Variants in GSDME observed in about 807,000 individuals in gnomAD.
GSDME encodes gasdermin E, also known as gasdermin-E.
GSDME carries 44 observed loss-of-function variants against 47.5 expected under a neutral mutation model. That is an observed-to-expected ratio of 0.93 (90% confidence interval 0.73 to 1.19). The LOEUF is 1.19. Among genes scored for constraint, GSDME ranks in the 50% most tolerant of loss-of-function variants. GSDME has a pLI of 0.00. For synonymous variants in GSDME, 258 were observed against 252.8 expected (o/e 1.02, Z -0.20); for missense variants, 663 against 604.2 (o/e 1.10, Z -1.02).
At chr7:24,746,771 G>A (rs1023104691) in intron 2 of GSDME, among the ~76,000 whole-genome samples, 1 of 152,196 alleles carries the variant, frequency 6.6e-6, no homozygotes, top group Non-Finnish European at 1.5e-5. Context: ...GTCAACTGCT[G>A]TTGGTGGAAG....
At chr7:24,703,045 T>G in intron 8 of GSDME, 1 of 498,400 alleles carries the variant, frequency 2.0e-6, no homozygotes, top group Non-Finnish European at 3.8e-6. Flanking sequence ...CTGCCAGCTC[T>G]GCATTCCACA....
intron 5 of GSDME, 147 bp from the exon 6 acceptor site, chr7:24,710,535 G>T: frequency 1.3e-6 from 1 of 746,758 alleles, no homozygotes; most frequent in Non-Finnish European, 2.3e-6. Context: ...CATAAAATTC[G>T]ATCCCTACAC....
chr7:24,753,177 A>G (rs1460713298), intron 1 of GSDME, among the ~76,000 whole-genome samples: 1 of 152,200 alleles, frequency 6.6e-6, no homozygotes, highest in Non-Finnish European at 1.5e-5. Flanking sequence ...TTACTATTAC[A>G]TGTGAATTAT....
chr7:24,699,818 G>A lies in GSDME; in HGVS notation c.1258-559C>T, dbSNP rs531502801. 5.8e-4 allele frequency among the ~76,000 whole-genome samples: 89 copies of A among 152,268 alleles called. 1 individual carries two copies. The Middle Eastern group carries it at 0.01, about 17-fold the overall frequency. ...TAGTCCCATTAACTCCAGTACATTA[G>A]AAAGGTTAGAATGTACTTTGGTCAT... On this transcript the variant is annotated intron_variant, in intron 9 of 9. Coordinates refer to ENST00000645220, the MANE Select transcript of GSDME (RefSeq NM_001127453.2).
intron 5 of GSDME, chr7:24,715,399 C>A: frequency 2.2e-6 from 1 of 464,694 alleles, no homozygotes; most frequent in East Asian, 7.0e-5. Context: ...TGTTCATTAG[C>A]TTGACTCAGT....
intron 3 of GSDME, among the ~76,000 whole-genome samples, chr7:24,730,149 G>C (rs971356749): frequency 1.3e-5 from 2 of 152,302 alleles, no homozygotes; most frequent in East Asian, 1.9e-4. Flanking sequence ...GTGATGAGTT[G>C]AGTCTCTGTG....
At chr7:24,780,244 A>C in the GSDME span, among the ~76,000 whole-genome samples, 125 of 152,346 alleles carry the variant, frequency 8.2e-4, no homozygotes, top group African/African-American at 2.9e-3. The surrounding 1 kb of genome is among the most constrained non-coding windows in gnomAD (Gnocchi z 4.1). Flanking sequence ...TAATTTTGCC[A>C]CCTGATATAT....
intron 3 of GSDME, among the ~76,000 whole-genome samples, chr7:24,727,176 C>G (rs1789996443): frequency 6.6e-6 from 1 of 152,204 alleles, no homozygotes; most frequent in South Asian, 2.1e-4. Flanking sequence ...AACCCAGTGT[C>G]TCTGCTCATT....
chr7:24,785,910 A>G, the GSDME span, among the ~76,000 whole-genome samples: 1 of 152,214 alleles, frequency 6.6e-6, no homozygotes, highest in Non-Finnish European at 1.5e-5. Context: ...CCCTCAATAT[A>G]CATATCCAAT....
rs755221661 is a variant in GSDME at position 24,719,043 on chromosome 7, G to A, written c.576+4C>T. ...TGAACGCAGGGCAGCCCGACTGCAC[G>A]CACCTGCACCGTCTTGGTCTGGATG... is the stretch of plus-strand genomic sequence containing the variant. On this transcript the variant is annotated splice_donor_region_variant and intron_variant, in intron 4 of 9. Coordinates refer to ENST00000645220, the MANE Select transcript of GSDME (RefSeq NM_001127453.2). The A allele has an allele frequency of 2.0e-5, 32 of 1,611,890 alleles. No individual in the cohort carries two copies. The highest frequency in any genetic ancestry group is 8.9e-5 in the East Asian group (4 of 44,864).
Position 24,732,620 on chromosome 7 carries a change from G to A in GSDME, c.404+11942C>T, listed in dbSNP as rs1790181684. On this transcript the variant is annotated intron_variant, in intron 3 of 9. Coordinates refer to ENST00000645220, the MANE Select transcript of GSDME (RefSeq NM_001127453.2). The surrounding 1 kb of genome is among the most constrained non-coding windows in gnomAD (Gnocchi z 4.8). ...TGTGGCAGAGAGAGAGAAGCCGTGTGCTGTAGGAGGGAGAGCACAGCAACT... is the reference window on the plus strand; with the variant it reads ...TGTGGCAGAGAGAGAGAAGCCGTGTACTGTAGGAGGGAGAGCACAGCAACT... Among the ~76,000 whole-genome samples, 1 of 152,222 alleles carries A rather than the reference G, an allele frequency of 6.6e-6. No homozygotes were observed.
chr7:24,741,837 T>C (rs11509873), intron 3 of GSDME, among the ~76,000 whole-genome samples: 13,332 of 144,968 alleles, frequency 0.092, 747 homozygotes, highest in Admixed American at 0.12. Flanking sequence ...ACAAGAATGT[T>C]AGCTTTACTG....
In GSDME at chr7:24,698,360, T is replaced by C. The variant is rs1788719278; in HGVS notation, c.*666A>G. On this transcript the variant is annotated 3_prime_UTR_variant, in exon 10 of 10. Coordinates refer to ENST00000645220, the MANE Select transcript of GSDME (RefSeq NM_001127453.2). ...AGAATAAAAAGCAAAATAGACATAGTTCAAAGTTTCCTTTAATAGAATACC... is the reference window on the plus strand; with the variant it reads ...AGAATAAAAAGCAAAATAGACATAGCTCAAAGTTTCCTTTAATAGAATACC... The C allele has an allele frequency of 1.3e-5, 2 of 153,510 alleles. No homozygotes were observed. The highest frequency in any genetic ancestry group is 4.1e-4 in the South Asian group (2 of 4,902). 9.5% of individuals were successfully genotyped at this position (153,510 alleles called of 1,614,324 possible).
rs1247176918 is a variant in GSDME, at chr7:24,736,057, A to T, written c.404+8505T>A. Among the ~76,000 whole-genome samples, 1 of 152,130 alleles carries T rather than the reference A, an allele frequency of 6.6e-6. No homozygotes were observed. Among genetic ancestry groups the T allele is most frequent in the Non-Finnish European group, 1.5e-5 (1 of 68,022 alleles). On this transcript the variant is annotated intron_variant, in intron 3 of 9. Coordinates refer to ENST00000645220, the MANE Select transcript of GSDME (RefSeq NM_001127453.2). This position sits in a 1 kb window ranked among gnomAD's most constrained non-coding sequence, Gnocchi z 4.6. ...ATACACAAAAAATAGAAAGCAAGAA[A>T]TTAAATCATACCACCATAGAAAGTC...
rs1317647225 is a variant in GSDME, at chr7:24,735,612, G to A, written c.404+8950C>T. Among the ~76,000 whole-genome samples the A allele has an allele frequency of 6.6e-6, 1 of 151,956 alleles. No individual in the cohort carries two copies. Among genetic ancestry groups the A allele is most frequent in the Non-Finnish European group, 1.5e-5 (1 of 67,962 alleles). On this transcript the variant is annotated intron_variant, in intron 3 of 9. Coordinates refer to ENST00000645220, the MANE Select transcript of GSDME (RefSeq NM_001127453.2). This position sits in a 1 kb window ranked among gnomAD's most constrained non-coding sequence, Gnocchi z 4.4. ...TCTCTACTAAAAATACAAAAAAGTAGCCGGGCGTGGTGGTGGGCGCCTGTA... is the reference window on the plus strand; with the variant it reads ...TCTCTACTAAAAATACAAAAAAGTAACCGGGCGTGGTGGTGGGCGCCTGTA...
chr7:24,710,134 G>A (rs1008400678), intron 6 of GSDME, 90 bp downstream of exon 6: 11 of 1,346,174 alleles, frequency 8.2e-6, no homozygotes, highest in South Asian at 2.4e-5. Context: ...GTCACTGAGG[G>A]GTCACTGATG....
intron 1 of GSDME, among the ~76,000 whole-genome samples, chr7:24,752,992 GTT>G (rs199851230): frequency 3.4e-5 from 5 of 147,792 alleles, no homozygotes; most frequent in African/African-American, 9.9e-5. Flanking sequence ...AATTTTTCAT[GTT>G]TTTTTTTTTT....
At chr7:24,788,686 G>A in the GSDME span, among the ~76,000 whole-genome samples, 1 of 152,114 alleles carries the variant, frequency 6.6e-6, no homozygotes, top group Non-Finnish European at 1.5e-5. This position sits in a 1 kb window ranked among gnomAD's most constrained non-coding sequence, Gnocchi z 4.6. Flanking sequence ...CTAAACTAAT[G>A]GCTTGGAACT....
At chr7:24,746,093 A>G (rs1012555236) in intron 2 of GSDME, among the ~76,000 whole-genome samples, 15 of 152,172 alleles carry the variant, frequency 9.9e-5, no homozygotes, top group African/African-American at 3.6e-4. Context: ...CTTCCACTGC[A>G]ATCAAGAAAA....
Sources: allele counts gnomAD v4.1 joint callset (sites outside exome capture counted in the v4.1 genomes callset), GRCh38; gene constraint gnomAD v4.1.1; non-coding constraint Gnocchi (gnomAD v3.1); transcripts MANE v1.5; gene names NCBI Gene and HGNC (gene_info 2026-07-23, HGNC 2026-07-21).